Variants in PTPRH observed in about 807,000 individuals in gnomAD.
PTPRH encodes receptor-type tyrosine-protein phosphatase H.
Under a neutral mutation model 130.2 loss-of-function variants are expected in PTPRH, and 113 were observed. That is an observed-to-expected ratio of 0.87 (90% CI 0.75 to 1.01). The LOEUF is 1.01. PTPRH is among the 50% of genes least tolerant of loss of function. The pLI, the probability that PTPRH is intolerant of heterozygous loss-of-function variation, is 0.00. For synonymous variants in PTPRH, 556 were observed against 577.9 expected, an observed-to-expected ratio of 0.96 and a Z score of 0.54; for missense variants, 1,430 against 1,425.0, an observed-to-expected ratio of 1.00 and a Z score of -0.06.
intron 13 of PTPRH, 112 bp from the exon 14 acceptor site, chr19:55,187,715 C>T (rs1348390616): frequency 6.5e-6 from 5 of 767,772 alleles, no homozygotes; most frequent in Middle Eastern, 2.5e-4. Context: ...TTATTCGTTG[C>T]ACCCTGAGAT....
intron 1 of PTPRH, 112 bp from the exon 2 acceptor site, chr19:55,207,311 G>A: frequency 2.6e-6 from 3 of 1,175,440 alleles, no homozygotes; most frequent in Non-Finnish European, 2.4e-6. Flanking sequence ...ACCCTTGCAT[G>A]GGAAGGAGGG....
At chr19:55,183,295 TCGAGAGG>T (rs1436343991) in intron 18 of PTPRH, among the ~76,000 whole-genome samples, 2 of 149,520 alleles carry the variant, frequency 1.3e-5, no homozygotes, top group Non-Finnish European at 3.0e-5. Context: ...TCCCAGCTAC[TCGAGAGG>T]CTGAGGCAAG....
intron 9 of PTPRH, 93 bp downstream of exon 9, chr19:55,197,024 C>A: frequency 6.8e-7 from 1 of 1,471,524 alleles, no homozygotes; most frequent in Non-Finnish European, 9.3e-7. Flanking sequence ...TGGCCTGTGG[C>A]CTGATGGAAT....
In PTPRH at chr19:55,188,078, C is replaced by T. The variant is rs546511548; in HGVS notation, c.2475G>A (p.Gln825=). 2 of 1,613,574 alleles carry T rather than the reference C, an allele frequency of 1.2e-6. No homozygotes were observed. The highest frequency in any genetic ancestry group is 2.2e-5 in the East Asian group (1 of 44,872). Residue 825 remains glutamine, a splice_region_variant and synonymous_variant, in exon 13 of 20, where the codon CAG becomes CAA. Coordinates refer to ENST00000376350, the MANE Select transcript of PTPRH (RefSeq NM_002842.5). ...CTCAGCCCCTCTGTCCTCTCCCCAC[C>T]TGGTACTCGTCTGCAAAACCACAGT... ...DSNCGFADEY[Q]QLSLVGHSQS...
At chr19:55,186,432 G>A (rs752984266) in intron 15 of PTPRH, 32 bp downstream of exon 15, 1 of 1,613,788 alleles carries the variant, frequency 6.2e-7, no homozygotes, top group Admixed American at 1.7e-5. Flanking sequence ...CAGGCGTGCT[G>A]GGCACCCTTT....
At chr19:55,195,261 G>A (rs1239966218) in intron 10 of PTPRH, among the ~76,000 whole-genome samples, 1 of 152,128 alleles carries the variant, frequency 6.6e-6, no homozygotes, top group Non-Finnish European at 1.5e-5. Context: ...GGAGGTGGAG[G>A]TTGCAGTGAG....
rs1332600131 is a variant in PTPRH, at chr19:55,202,234, T to G, written c.975A>C (p.Pro325=). The G allele has an allele frequency of 6.2e-7, 1 of 1,614,040 alleles. No individual in the cohort carries two copies. The highest frequency in any genetic ancestry group is 8.5e-7 in the Non-Finnish European group (1 of 1,180,032). ...ACTCAACCCCGTAGGTGGAGTTCTG[T>G]GGGTCTGGGCCATCGGGGACCTCCC... The part of the protein sequence containing the change: ...LTWEVPDGPD[P]QNSTYGVEYT... The change falls in exon 6 of 20, where the codon CCA becomes CCC. Residue 325 remains proline, a synonymous_variant. Coordinates refer to ENST00000376350, the MANE Select transcript of PTPRH (RefSeq NM_002842.5).
rs377442311 is a variant in PTPRH, at chr19:55,207,132, G to T, written c.85+34C>A. The T allele has an allele frequency of 2.5e-6, 4 of 1,611,550 alleles. No individual in the cohort carries two copies. The African/African-American group carries it at 4.0e-5, about 16-fold the overall frequency. ...ACGGCAGTTGCGGTCCCACCTCTTC[G>T]AGTGGGCAGTGAGTTCAGGCAGGGG... On this transcript the variant is annotated intron_variant, in intron 2 of 19. Transcript: ENST00000376350.
chr19:55,200,249 G>A lies in PTPRH; in HGVS notation c.1407C>T (p.Val469=). ...KNGARGSRQN[V]SISTVPNAVT... ...GAGGGTTCCTACCTGTGGAGATGCT[G>A]ACATTCTGCCTGGAGCCACGTGCTC... The change falls in exon 7 of 20, where the codon GTC becomes GTT. Residue 469 remains valine, a synonymous_variant. Transcript: ENST00000376350. The A allele has an allele frequency of 6.2e-7, 1 of 1,614,220 alleles. No individual in the cohort carries two copies. The highest frequency in any genetic ancestry group is 8.5e-7 in the Non-Finnish European group (1 of 1,180,044).
chr19:55,181,599 T>G lies in PTPRH; in HGVS notation c.*155A>C. 3 of 1,029,946 alleles carry G rather than the reference T, an allele frequency of 2.9e-6. No homozygotes were observed. The highest frequency in any genetic ancestry group is 4.3e-6 in the Non-Finnish European group (3 of 701,640). The allele number at this position is 1,029,946 out of a possible 1,614,324, so 63.8% of individuals were successfully genotyped here. On this transcript the variant is annotated 3_prime_UTR_variant, in exon 20 of 20. Transcript: ENST00000376350. ...TCATCTGAAGCCCACCAGACCACTC[T>G]CTCCTGGGGAAACCAGAGTTTGGGA...
At chr19:55,201,914 G>C (rs1353644805) in intron 6 of PTPRH, 142 bp downstream of exon 6, 11 of 1,323,308 alleles carry the variant, frequency 8.3e-6, no homozygotes, top group East Asian at 7.0e-5. Context: ...CATCTCCTGA[G>C]CTGAGACTGC....
chr19:55,203,238 G>A (rs1263999835), intron 5 of PTPRH, among the ~76,000 whole-genome samples: 7 of 149,308 alleles, frequency 4.7e-5, no homozygotes, highest in South Asian at 4.2e-4. Context: ...GAGGCAGGAG[G>A]ATGGCCTGAA....
intron 15 of PTPRH, 37 bp downstream of exon 15, chr19:55,186,427 G>A (rs111326663): frequency 6.6e-5 from 106 of 1,613,684 alleles, no homozygotes; most frequent in East Asian, 3.3e-4. Context: ...CTCTCCAGGC[G>A]TGCTGGGCAC....
chr19:55,207,638 G>A (rs1465355392), intron 1 of PTPRH, among the ~76,000 whole-genome samples: 5 of 139,192 alleles, frequency 3.6e-5, no homozygotes, highest in Non-Finnish European at 7.8e-5. Context: ...CTGGTTTGAG[G>A]GAGGAGAGGT....
chr19:55,183,897 C>T (rs1348506108), intron 18 of PTPRH, among the ~76,000 whole-genome samples: 1 of 152,202 alleles, frequency 6.6e-6, no homozygotes, highest in African/African-American at 2.4e-5. Context: ...AGCTACTAAT[C>T]TCTTCAGTGT....
chr19:55,208,908 C>T (rs1344945315), intron 1 of PTPRH, among the ~76,000 whole-genome samples: 1 of 76,956 alleles, frequency 1.3e-5, no homozygotes, highest in Non-Finnish European at 2.5e-5. Context: ...GCCTGGACTC[C>T]CGGGTCTGAG....
intron 18 of PTPRH, among the ~76,000 whole-genome samples, chr19:55,183,054 C>A (rs894066945): frequency 6.6e-6 from 1 of 150,418 alleles, no homozygotes; most frequent in South Asian, 2.1e-4. Context: ...CCTCAGCCCC[C>A]CAAAGTGCTG....
At chr19:55,207,295 T>A in intron 1 of PTPRH, 96 bp from the exon 2 acceptor site, 4 of 1,353,984 alleles carry the variant, frequency 3.0e-6, no homozygotes, top group Non-Finnish European at 4.1e-6. Context: ...CCCCGCCCCA[T>A]GAGTCACCCT....
chr19:55,185,589 G>A lies in PTPRH; in HGVS notation c.2975C>T (p.Ser992Phe), dbSNP rs1191566939. ...CCAGAAAGCCAGCAAGGTGTCTGGG[G>A]AGGAGGGAACGCCGTGATCCGGCCA... ...QAWPDHGVPS[S>F]PDTLLAFWRM... Residue 992 changes from serine to phenylalanine, a missense_variant, in exon 18 of 20, where the codon TCC becomes TTC. Physicochemically the swap from Ser to Phe is radical, Grantham distance 155. Coordinates refer to ENST00000376350, the MANE Select transcript of PTPRH (RefSeq NM_002842.5). 1 of 1,614,246 alleles carries A rather than the reference G, an allele frequency of 6.2e-7. No homozygotes were observed. Among genetic ancestry groups the A allele is most frequent in the South Asian group, 1.1e-5 (1 of 91,084 alleles).
Sources: gnomAD v4.1 joint callset for allele counts (sites outside exome capture counted in the v4.1 genomes callset) on GRCh38, gnomAD v4.1.1 for gene constraint, MANE v1.5 for transcripts, NCBI Gene and HGNC (gene_info 2026-07-23, HGNC 2026-07-21) for gene names.